Variants in ASAP3 observed in about 807,000 individuals in gnomAD.
The protein encoded by ASAP3 is arf-GAP with SH3 domain, ANK repeat and PH domain-containing protein 3.
Under a neutral mutation model 118.2 loss-of-function variants are expected in ASAP3, and 85 were observed. That is an observed-to-expected ratio of 0.72 (90% confidence interval 0.60 to 0.86). The LOEUF is 0.86. ASAP3 is among the 40% of genes least tolerant of loss of function. The pLI, the probability that ASAP3 is intolerant of heterozygous loss-of-function variation, is 0.00. For synonymous variants in ASAP3, 432 were observed against 477.4 expected, an observed-to-expected ratio of 0.90 and a Z score of 1.24; for missense variants, 1,026 against 1,175.0, an observed-to-expected ratio of 0.87 and a Z score of 1.85.
chr1:23,455,282 C>T (rs1244522047), intron 3 of ASAP3, among the ~76,000 whole-genome samples: 1 of 152,182 alleles, frequency 6.6e-6, no homozygotes, highest in African/African-American at 2.4e-5. Context: ...TGTGCCTGCA[C>T]ATGGGAAGAG....
intron 5 of ASAP3, among the ~76,000 whole-genome samples, chr1:23,449,220 C>T (rs541092639): frequency 1.3e-5 from 2 of 152,214 alleles, no homozygotes; most frequent in East Asian, 1.9e-4. Context: ...AGTTCTGGCT[C>T]ATATAGGTGG....
chr1:23,451,104 GTCC>G (rs1242958543), intron 5 of ASAP3, among the ~76,000 whole-genome samples: 2 of 152,210 alleles, frequency 1.3e-5, no homozygotes, highest in African/African-American at 2.4e-5. Context: ...ACCTCTCTGA[GTCC>G]TCCTGTGGTA....
In ASAP3 at chr1:23,464,883, G is replaced by A. The variant is rs553345493; in HGVS notation, c.130-8689C>T. ...AACAAGCCCTCCAGGTGATTCTAAT[G>A]CATGCTAAAGTTTGGGAATTACTGT... is the stretch of plus-strand genomic sequence containing the variant. On this transcript the variant is annotated intron_variant, in intron 1 of 24. Transcript: ENST00000336689. Among the ~76,000 whole-genome samples the A allele has an allele frequency of 1.6e-3, 246 of 152,170 alleles. 2 individuals are homozygous for A. The highest frequency in any genetic ancestry group is 5.8e-3 in the Admixed American group (88 of 15,286).
chr1:23,479,104 G>A (rs553815344), intron 1 of ASAP3, among the ~76,000 whole-genome samples: 10 of 152,130 alleles, frequency 6.6e-5, no homozygotes, highest in Non-Finnish European at 1.5e-4. Flanking sequence ...TCCAGAAACT[G>A]GGCCGGGCTG....
At chr1:23,442,087 C>T (rs543601813) in intron 7 of ASAP3, 99 bp downstream of exon 7, 7 of 1,278,684 alleles carry the variant, frequency 5.5e-6, no homozygotes, top group Non-Finnish European at 7.7e-6. Context: ...CAAAAAGATG[C>T]AGGCCTCCAA....
intron 10 of ASAP3, among the ~76,000 whole-genome samples, chr1:23,440,185 A>C (rs1640812241): frequency 6.7e-6 from 1 of 149,718 alleles, no homozygotes; most frequent in Non-Finnish European, 1.5e-5. Context: ...ATTTCTAGGC[A>C]TATTCAGTAT....
rs1640745470 is a variant in ASAP3 at position 23,438,204 on chromosome 1, T to C, written c.1102+543A>G. Among the ~76,000 whole-genome samples, 1 of 152,200 alleles carries C rather than the reference T, an allele frequency of 6.6e-6. No homozygotes were observed. The highest frequency in any genetic ancestry group is 1.5e-5 in the Non-Finnish European group (1 of 68,046). On this transcript the variant is annotated intron_variant, in intron 12 of 24. Coordinates refer to ENST00000336689, the MANE Select transcript of ASAP3 (RefSeq NM_017707.4). This position sits in a 1 kb window ranked among gnomAD's most constrained non-coding sequence, Gnocchi z 4.9. ...AGCCTTTCCTGATTCCCCACAGCAG[T>C]GCAGGCCTTCCTGCTCCCTAATCTT... is the stretch of plus-strand genomic sequence containing the variant.
intron 5 of ASAP3, among the ~76,000 whole-genome samples, chr1:23,445,898 C>G (rs1261033403): frequency 6.6e-6 from 1 of 151,926 alleles, no homozygotes; most frequent in Non-Finnish European, 1.5e-5. Flanking sequence ...AGGAGGATCA[C>G]TTGAGCCCAG....
intron 5 of ASAP3, among the ~76,000 whole-genome samples, chr1:23,447,126 C>T (rs372577320): frequency 6.6e-6 from 1 of 152,214 alleles, no homozygotes; most frequent in Non-Finnish European, 1.5e-5. Flanking sequence ...CGCTCACCTC[C>T]TGCTGTTCAG....
chr1:23,458,581 CAGAG>C (rs1641463648), intron 1 of ASAP3, among the ~76,000 whole-genome samples: 1 of 151,804 alleles, frequency 6.6e-6, no homozygotes. Context: ...GCATGGGTGA[CAGAG>C]AGAGCCCTGT....
At position 23,455,984 on chromosome 1, in the gene ASAP3, G is replaced by T. The variant is rs755800424; in HGVS notation, c.245C>A (p.Ser82Tyr). ...NEEQYREAVE[S>Y]LGNSHLSQNS... is the part of the protein sequence containing the mutation. ...CTGGGACAGGTGGCTGTTGCCTAAG[G>T]ATTCCACGGCCTCTCGGTACTGCTC... The change falls in exon 3 of 25, where the codon TCC becomes TAC. Residue 82 changes from serine (S) to tyrosine (Y), a missense_variant. Physicochemically the swap from Ser to Tyr is moderately radical, Grantham distance 144. Coordinates refer to ENST00000336689, the MANE Select transcript of ASAP3 (RefSeq NM_017707.4). The T allele has an allele frequency of 6.2e-7, 1 of 1,614,172 alleles. No individual in the cohort carries two copies. The highest frequency in any genetic ancestry group is 1.1e-5 in the South Asian group (1 of 91,084).
intron 1 of ASAP3, among the ~76,000 whole-genome samples, chr1:23,462,923 G>T (rs891599437): frequency 1.3e-5 from 2 of 152,192 alleles, no homozygotes; most frequent in African/African-American, 4.8e-5. Context: ...TTGAAGGAAT[G>T]GGGAAGGCGT....
chr1:23,464,964 C>T (rs978536907), intron 1 of ASAP3, among the ~76,000 whole-genome samples: 3 of 152,074 alleles, frequency 2.0e-5, no homozygotes, highest in African/African-American at 4.8e-5. Flanking sequence ...TGGGGCTGTC[C>T]CCAAACTACC....
chr1:23,455,331 G>A (rs1279273570), intron 3 of ASAP3, among the ~76,000 whole-genome samples: 2 of 152,184 alleles, frequency 1.3e-5, no homozygotes, highest in African/African-American at 2.4e-5. Flanking sequence ...GGACTTGAAG[G>A]ACCAGAGAGG....
chr1:23,429,834 G>C lies in ASAP3; in HGVS notation c.*22C>G, dbSNP rs745389100. ...TCTGAACATTGGGGCCTAGCATGGGGCATGTGGGGGCCAGCAAGGAGCTAG... is the reference window on the plus strand; with the variant it reads ...TCTGAACATTGGGGCCTAGCATGGGCCATGTGGGGGCCAGCAAGGAGCTAG... On this transcript the variant is annotated 3_prime_UTR_variant, in exon 25 of 25. Coordinates refer to ENST00000336689, the MANE Select transcript of ASAP3 (RefSeq NM_017707.4). 8 of 1,611,202 alleles carry C rather than the reference G, an allele frequency of 5.0e-6. No individual in the cohort carries two copies. Among genetic ancestry groups the C allele is most frequent in the Non-Finnish European group, 6.8e-6 (8 of 1,178,430 alleles).
intron 3 of ASAP3, among the ~76,000 whole-genome samples, chr1:23,454,500 G>A (rs1432892853): frequency 6.6e-6 from 1 of 151,962 alleles, no homozygotes; most frequent in African/African-American, 2.4e-5. Context: ...TCATACTTTT[G>A]TAGAGTCAGG....
chr1:23,432,661 A>G (rs1394479946), intron 22 of ASAP3, among the ~76,000 whole-genome samples: 1 of 152,164 alleles, frequency 6.6e-6, no homozygotes, highest in Non-Finnish European at 1.5e-5. Context: ...GAAACACTCA[A>G]AGTCCTTGTC....
In ASAP3 at chr1:23,471,976, T is replaced by C. The variant is rs571359471; in HGVS notation, c.129+12029A>G. Among the ~76,000 whole-genome samples, 10 of 152,186 alleles carry C rather than the reference T, an allele frequency of 6.6e-5. 1 individual carries two copies. In the South Asian group the frequency reaches 1.7e-3, roughly 25 times the overall value. ...ATGAACCTTGAAAACACTGTGCAACTGAAAGAGATCAGACAAAAAAGGCCA... is the reference window on the plus strand; with the variant it reads ...ATGAACCTTGAAAACACTGTGCAACCGAAAGAGATCAGACAAAAAAGGCCA... On this transcript the variant is annotated intron_variant, in intron 1 of 24. Coordinates refer to ENST00000336689, the MANE Select transcript of ASAP3 (RefSeq NM_017707.4).
intron 1 of ASAP3, among the ~76,000 whole-genome samples, chr1:23,475,493 C>G (rs1460869749): frequency 2.0e-5 from 3 of 152,184 alleles, no homozygotes; most frequent in African/African-American, 4.8e-5. Flanking sequence ...GATACCACCA[C>G]TGAATCATAC....
Sources: gnomAD v4.1 joint callset for allele counts (sites outside exome capture counted in the v4.1 genomes callset) on GRCh38, gnomAD v4.1.1 for gene constraint, Gnocchi (gnomAD v3.1) non-coding constraint, MANE v1.5 for transcripts, NCBI Gene and HGNC (gene_info 2026-07-23, HGNC 2026-07-21) for gene names.